Variants in RAD52 observed in about 807,000 individuals in gnomAD.
RAD52 encodes the protein DNA repair protein RAD52 homolog.
In RAD52, 47 loss-of-function variants were observed where a neutral mutation model predicts 55.5. The ratio of observed to expected loss-of-function variants is 0.85; its 90% CI spans 0.67 to 1.08. The LOEUF (loss-of-function observed/expected upper bound fraction) is 1.08. Ranked by LOEUF, RAD52 falls within the 50% of genes least tolerant of loss-of-function variation. RAD52 has a pLI of 0.00. For synonymous variants in RAD52, 184 were observed against 198.9 expected, an observed-to-expected ratio of 0.92 and a Z score of 0.63; for missense variants, 468 against 522.8, an observed-to-expected ratio of 0.90 and a Z score of 1.02.
chr12:942,389 A>C (rs560815898), intron 1 of RAD52, among the ~76,000 whole-genome samples: 1 of 152,336 alleles, frequency 6.6e-6, no homozygotes, highest in East Asian at 1.9e-4. Flanking sequence ...ATTAATATTT[A>C]ATTATATCTC....
intron 7 of RAD52, among the ~76,000 whole-genome samples, chr12:920,962 G>A (rs927999598): frequency 6.6e-6 from 1 of 152,152 alleles, no homozygotes; most frequent in Admixed American, 6.5e-5. Context: ...AATCACAATG[G>A]AATGAAACTA....
In RAD52 at chr12:930,067, G is replaced by A. The variant is rs766596130; in HGVS notation, c.264C>T (p.Ile88=). ...MFGYNGWAHS[I]TQQNVDFVDL... is the part of the protein sequence containing the mutation. ...CATACTCACCCACATTCTGCTGCGT[G>A]ATGGAGTGTGCCCAGCCATTGTAAC... The change falls in exon 4 of 12, where the codon ATC becomes ATT. Residue 88 remains isoleucine, a synonymous_variant. Transcript: ENST00000358495. 2.5e-6 allele frequency: 4 copies of A among 1,613,802 alleles called. No homozygotes were observed. The highest frequency in any genetic ancestry group is 1.3e-5 in the African/African-American group (1 of 74,910).
At chr12:988,513 G>A (rs1959118177) in intron 1 of RAD52, among the ~76,000 whole-genome samples, 1 of 152,150 alleles carries the variant, frequency 6.6e-6, no homozygotes, top group African/African-American at 2.4e-5. Context: ...TTGCTATAAA[G>A]GCATGCCTGC....
chr12:921,987 T>A (rs983590458), intron 7 of RAD52, among the ~76,000 whole-genome samples: 1 of 151,614 alleles, frequency 6.6e-6, no homozygotes, highest in Non-Finnish European at 1.5e-5. Context: ...GCGCCTATAG[T>A]CCCAGCTACT....
At chr12:941,848 G>C (rs1957938590) in intron 1 of RAD52, among the ~76,000 whole-genome samples, 1 of 152,090 alleles carries the variant, frequency 6.6e-6, no homozygotes, top group South Asian at 2.1e-4. Flanking sequence ...TGTTGGCCAG[G>C]CTGGTCTCGA....
At chr12:933,166 A>T (rs1353393192) in intron 1 of RAD52, 90 bp from the exon 2 acceptor site, 1 of 927,396 alleles carries the variant, frequency 1.1e-6, no homozygotes, top group Non-Finnish European at 1.7e-6. Context: ...TCACATAAAG[A>T]ATCCTTATGC....
upstream of RAD52, chr12:990,563 C>T (rs1190853395): frequency 6.6e-6 from 1 of 152,274 alleles, no homozygotes; most frequent in African/African-American, 2.4e-5. Flanking sequence ...GGCGGGATCA[C>T]CACAGACACG....
chr12:981,760 C>CAATA (rs1205204049), intron 1 of RAD52, among the ~76,000 whole-genome samples: 150 of 25,204 alleles, frequency 6.0e-3, no homozygotes, highest in African/African-American at 1.0e-2. Flanking sequence ...GACTCTGTCT[C>CAATA]AATAAATAAA....
At chr12:922,912 C>A (rs1224521370) in intron 7 of RAD52, among the ~76,000 whole-genome samples, 1 of 152,064 alleles carries the variant, frequency 6.6e-6, no homozygotes, top group Admixed American at 6.6e-5. Flanking sequence ...CTCACTGCAG[C>A]CTCCACCTCC....
At chr12:964,258 G>A (rs1958726784) in intron 1 of RAD52, among the ~76,000 whole-genome samples, 1 of 152,228 alleles carries the variant, frequency 6.6e-6, no homozygotes, top group African/African-American at 2.4e-5. Context: ...AAGGTGGGGG[G>A]AAAGATGTTA....
At chr12:966,309 C>T (rs1283215220) in intron 1 of RAD52, among the ~76,000 whole-genome samples, 1 of 152,004 alleles carries the variant, frequency 6.6e-6, no homozygotes, top group Non-Finnish European at 1.5e-5. Flanking sequence ...CTGGAAATCA[C>T]CTTAATATGT....
At chr12:949,020 G>C (rs1310670669) in intron 1 of RAD52, among the ~76,000 whole-genome samples, 1 of 152,078 alleles carries the variant, frequency 6.6e-6, no homozygotes, top group Non-Finnish European at 1.5e-5. Context: ...GTTATAACAA[G>C]GCTCAATACT....
chr12:958,615 C>G (rs1592470861), intron 1 of RAD52, among the ~76,000 whole-genome samples: 2 of 152,312 alleles, frequency 1.3e-5, no homozygotes, highest in East Asian at 3.9e-4. Context: ...CATGCAGAAC[C>G]AGTGCTGTTG....
intron 1 of RAD52, among the ~76,000 whole-genome samples, chr12:985,187 C>T (rs1257450087): frequency 6.6e-6 from 1 of 152,156 alleles, no homozygotes; most frequent in Admixed American, 6.5e-5. Flanking sequence ...GTCACCTAGG[C>T]TAAAGTACAG....
At chr12:977,063 T>A (rs570554262) in intron 1 of RAD52, 1 of 152,456 alleles carries the variant, frequency 6.6e-6, no homozygotes, top group South Asian at 2.1e-4. Flanking sequence ...GGAGAATGAA[T>A]TTGGCTGAGA....
At chr12:959,128 A>G (rs1398896228) in intron 1 of RAD52, among the ~76,000 whole-genome samples, 1 of 152,178 alleles carries the variant, frequency 6.6e-6, no homozygotes, top group Admixed American at 6.6e-5. Context: ...TACTCAACCG[A>G]GTGCTGAGGG....
In RAD52 at chr12:930,979, A is replaced by AAT. The variant is rs556532199; in HGVS notation, c.186+240_186+241insAT. On this transcript the variant is annotated intron_variant, in intron 3 of 11. Coordinates refer to ENST00000358495, the MANE Select transcript of RAD52 (RefSeq NM_134424.4). ...GAGCAAGACCCTGTCTTTAAAAATA[A>AAT]AAAAAAAAAAAGATGATGTAAAAAT... 1.7e-4 allele frequency among the ~76,000 whole-genome samples: 25 copies of AAT among 149,202 alleles called. No individual in the cohort carries two copies. The East Asian group carries it at 4.1e-3, about 24-fold the overall frequency.
intron 1 of RAD52, among the ~76,000 whole-genome samples, chr12:970,019 T>C (rs1008612801): frequency 5.9e-5 from 9 of 151,724 alleles, no homozygotes; most frequent in African/African-American, 2.2e-4. Context: ...TCTGGTGATA[T>C]AATTTAGGGC....
chr12:964,433 T>C (rs2154120842), intron 1 of RAD52, among the ~76,000 whole-genome samples: 2 of 152,124 alleles, frequency 1.3e-5, no homozygotes, highest in East Asian at 3.9e-4. Context: ...CCAGGTGTGG[T>C]GGTGTGTGCC....
Sources: gnomAD v4.1 joint callset for allele counts (sites outside exome capture counted in the v4.1 genomes callset) on GRCh38, gnomAD v4.1.1 for gene constraint, MANE v1.5 for transcripts, NCBI Gene and HGNC (gene_info 2026-07-23, HGNC 2026-07-21) for gene names.